Variants in NACC2 observed in about 807,000 individuals in gnomAD.
The protein encoded by NACC2 is nucleus accumbens-associated protein 2.
Under a neutral mutation model 25.1 loss-of-function variants are expected in NACC2, and 8 were observed. The ratio of observed to expected loss-of-function variants is 0.32; its 90% CI spans 0.19 to 0.57. The LOEUF (loss-of-function observed/expected upper bound fraction) is 0.57, where lower values mean the gene tolerates loss of function less well. Among genes scored for constraint, NACC2 ranks in the 20% least tolerant of loss-of-function variants. NACC2 has a pLI of 0.89. For missense variants in NACC2, 644 were observed against 650.2 expected (o/e 0.99, Z 0.10); for synonymous variants, 435 against 294.7 (o/e 1.48, Z -4.88).
intron 1 of NACC2, among the ~76,000 whole-genome samples, chr9:136,062,263 C>G (rs1012901086): frequency 3.9e-5 from 6 of 152,138 alleles, no homozygotes; most frequent in Admixed American, 3.9e-4. Context: ...TTCCCCCCAA[C>G]GCCAAGGGAC....
chr9:136,049,979 C>G lies in NACC2; in HGVS notation c.543G>C (p.Pro181=). The G allele has an allele frequency of 1.6e-6, 1 of 640,668 alleles. No individual in the cohort carries two copies. The highest frequency in any genetic ancestry group is 1.8e-5 in the South Asian group (1 of 55,394). 39.7% of individuals were successfully genotyped at this position (640,668 alleles called of 1,614,324 possible). A position where few individuals can be genotyped will look rare whatever the true frequency, so the allele number is the denominator to read the frequency against. The change falls in exon 2 of 6, where the codon CCG becomes CCC. Residue 181 remains proline (P), a synonymous_variant. Transcript: ENST00000277554. ...TGGGGGCCAGGCCTGGGCCGGCCGG[C>G]GGCAGCTCCATGGCTTCATGCTTTA... is the stretch of plus-strand genomic sequence containing the variant. ...TRVKHEAMEL[P]PAGPGLAPKR...
chr9:136,066,025 C>T (rs1224577054), intron 1 of NACC2, among the ~76,000 whole-genome samples: 1 of 151,844 alleles, frequency 6.6e-6, no homozygotes, highest in East Asian at 1.9e-4. Flanking sequence ...GAAAACCCAT[C>T]TCTACTAAAA....
chr9:136,016,857 C>G (rs905026211), intron 2 of NACC2, among the ~76,000 whole-genome samples: 1 of 152,076 alleles, frequency 6.6e-6, no homozygotes, highest in Non-Finnish European at 1.5e-5. Context: ...GACGGCTTGG[C>G]AGGGCCAGCA....
rs931349651 is a variant in NACC2, at chr9:136,019,408, G to A, written c.887-2979C>T. On this transcript the variant is annotated intron_variant, in intron 2 of 5. Transcript: ENST00000277554. The surrounding 1 kb of genome is among the most constrained non-coding windows in gnomAD (Gnocchi z 5.2). ...CACACTGAGGTCCCTCCTGAGCCTGGGTCTCGGGTACTGGGGGACCCGTGG... is the reference window on the plus strand; with the variant it reads ...CACACTGAGGTCCCTCCTGAGCCTGAGTCTCGGGTACTGGGGGACCCGTGG... The A allele has an allele frequency of 1.3e-5, 2 of 152,182 alleles. No individual in the cohort carries two copies. Among genetic ancestry groups the A allele is most frequent in the Admixed American group, 1.3e-4 (2 of 15,272 alleles). The allele number at this position is 152,182 out of a possible 1,614,324, so 9.4% of individuals were successfully genotyped here.
chr9:136,030,284 A>C (rs950164101), intron 2 of NACC2, among the ~76,000 whole-genome samples: 3 of 152,140 alleles, frequency 2.0e-5, no homozygotes, highest in African/African-American at 7.2e-5. Context: ...GAGGAGGCTC[A>C]TCCCTGTTGT....
intron 1 of NACC2, among the ~76,000 whole-genome samples, chr9:136,068,933 T>A (rs919850668): frequency 5.3e-5 from 8 of 150,878 alleles, no homozygotes; most frequent in African/African-American, 2.0e-4. Flanking sequence ...TTTTTTTTTT[T>A]AAAGATGGAG....
In NACC2 at chr9:136,012,030, AGGACG is replaced by A. The variant is rs1840118750; in HGVS notation, c.1256-11_1256-7del. ...GGCGAAGTTCTGACAGTACACTGTG[AGGACG>A]GGGCGGCGTGAGCTCAGCCACCTGC... is the stretch of plus-strand genomic sequence containing the variant. On this transcript the variant is annotated splice_region_variant and splice_polypyrimidine_tract_variant and intron_variant, in intron 5 of 5. Coordinates refer to ENST00000277554, the MANE Select transcript of NACC2 (RefSeq NM_144653.5). 5 of 1,545,456 alleles carry A rather than the reference AGGACG, an allele frequency of 3.2e-6. No homozygotes were observed.
chr9:136,026,358 A>C (rs1029525677), intron 2 of NACC2, among the ~76,000 whole-genome samples: 1 of 151,276 alleles, frequency 6.6e-6, no homozygotes, highest in Non-Finnish European at 1.5e-5. Context: ...AAAAAAAAAA[A>C]AAAAAAAAAG....
chr9:136,063,059 T>C (rs10858213), intron 1 of NACC2, among the ~76,000 whole-genome samples: 62,455 of 152,198 alleles, frequency 0.41, 13,605 homozygotes, highest in Non-Finnish European at 0.48. Context: ...TTTCTTCTAA[T>C]TTTTGTTCTC....
intron 2 of NACC2, among the ~76,000 whole-genome samples, chr9:136,033,446 C>T (rs1207133865): frequency 2.0e-5 from 3 of 148,546 alleles, no homozygotes; most frequent in Non-Finnish European, 4.5e-5. Context: ...GAGTTCAAGA[C>T]CAGCCCAGCG....
chr9:136,041,675 T>C (rs1005550259), intron 2 of NACC2, among the ~76,000 whole-genome samples: 1 of 152,100 alleles, frequency 6.6e-6, no homozygotes, highest in African/African-American at 2.4e-5. Context: ...CAAAATTGAT[T>C]GTAGTGATGG....
intron 2 of NACC2, among the ~76,000 whole-genome samples, chr9:136,021,727 T>TA (rs915489115): frequency 6.6e-6 from 1 of 152,220 alleles, no homozygotes; most frequent in African/African-American, 2.4e-5. Context: ...GGCATGCAGA[T>TA]AAAGACACTG....
chr9:136,046,555 C>T (rs1840728458), intron 2 of NACC2, among the ~76,000 whole-genome samples: 1 of 152,206 alleles, frequency 6.6e-6, no homozygotes, highest in African/African-American at 2.4e-5. Flanking sequence ...CCCGAGCCAG[C>T]GTCCACCTGA....
intron 2 of NACC2, among the ~76,000 whole-genome samples, chr9:136,017,110 G>A (rs1160476254): frequency 6.6e-6 from 1 of 152,124 alleles, no homozygotes; most frequent in Non-Finnish European, 1.5e-5. Context: ...TAGCCAGGCT[G>A]GCCGACACGC....
intron 2 of NACC2, among the ~76,000 whole-genome samples, chr9:136,038,183 G>C (rs1337520007): frequency 6.6e-6 from 1 of 152,202 alleles, no homozygotes; most frequent in African/African-American, 2.4e-5. Flanking sequence ...GATGAGTTTA[G>C]AGTGATGAAA....
At chr9:136,081,835 C>A (rs1003613105) in intron 1 of NACC2, among the ~76,000 whole-genome samples, 1 of 152,132 alleles carries the variant, frequency 6.6e-6, no homozygotes, top group Non-Finnish European at 1.5e-5. Flanking sequence ...AGGCTGAGGG[C>A]AAGGCGGGGA....
chr9:136,062,343 T>C (rs1841025147), intron 1 of NACC2, among the ~76,000 whole-genome samples: 1 of 152,152 alleles, frequency 6.6e-6, no homozygotes, highest in South Asian at 2.1e-4. Flanking sequence ...CCCTGGAAAG[T>C]TACAGGTATA....
intron 1 of NACC2, among the ~76,000 whole-genome samples, chr9:136,085,419 T>G (rs1378854888): frequency 6.6e-6 from 1 of 151,038 alleles, no homozygotes; most frequent in Non-Finnish European, 1.5e-5. Flanking sequence ...CTCCAGAGGC[T>G]GAGGCGGGGA....
intron 1 of NACC2, among the ~76,000 whole-genome samples, chr9:136,089,753 C>T (rs989468366): frequency 4.0e-5 from 6 of 151,398 alleles, no homozygotes; most frequent in Admixed American, 1.3e-4. Flanking sequence ...GACCACTCAA[C>T]CTCTATTTTC....
Sources: allele counts gnomAD v4.1 joint callset (sites outside exome capture counted in the v4.1 genomes callset), GRCh38; gene constraint gnomAD v4.1.1; non-coding constraint Gnocchi (gnomAD v3.1); transcripts MANE v1.5; gene names NCBI Gene and HGNC (gene_info 2026-07-23, HGNC 2026-07-21).